CLIC5: variants seen among roughly 807,000 people sequenced by gnomAD.
CLIC5 encodes the protein chloride intracellular channel protein 5.
CLIC5 carries 20 observed loss-of-function variants against 24.7 expected under a neutral mutation model. That is an observed-to-expected ratio of 0.81 (90% CI 0.57 to 1.18). The LOEUF is 1.18. Among genes scored for constraint, CLIC5 ranks in the 50% most tolerant of loss-of-function variants. The pLI, the probability that CLIC5 is intolerant of heterozygous loss-of-function variation, is 0.00. For synonymous variants in CLIC5, 159 were observed against 135.6 expected, an observed-to-expected ratio of 1.17 and a Z score of -1.20; for missense variants, 341 against 326.1, an observed-to-expected ratio of 1.05 and a Z score of -0.35.
chr6:45,949,143 T>C (rs1414654160), intron 3 of CLIC5, 113 bp downstream of exon 3: 3 of 1,384,948 alleles, frequency 2.2e-6, no homozygotes, highest in Non-Finnish European at 2.9e-6. Flanking sequence ...TCCTGTTCTC[T>C]GGACTGGTGA....
At chr6:46,122,340 T>A in the CLIC5 span, among the ~76,000 whole-genome samples, 1 of 152,144 alleles carries the variant, frequency 6.6e-6, no homozygotes. Context: ...ACTGGGTACA[T>A]AACAAAATGA....
At chr6:45,908,786 T>A (rs893580551) in intron 5 of CLIC5, among the ~76,000 whole-genome samples, 10 of 152,236 alleles carry the variant, frequency 6.6e-5, no homozygotes, top group Non-Finnish European at 1.2e-4. Flanking sequence ...GTCTGTTATG[T>A]CCAATTGTCA....
intron 5 of CLIC5, among the ~76,000 whole-genome samples, chr6:45,909,828 C>T (rs943271415): frequency 4.6e-5 from 7 of 152,138 alleles, no homozygotes; most frequent in African/African-American, 7.2e-5. Flanking sequence ...CACCTTCTAC[C>T]TTGCTTTCAT....
At chr6:46,019,737 A>G (rs1302696119), upstream of CLIC5, among the ~76,000 whole-genome samples, 2 of 148,478 alleles carry the variant, frequency 1.3e-5, no homozygotes, top group Non-Finnish European at 3.0e-5. Context: ...AAATTAATAT[A>G]ATTATTAATA....
intron 1 of CLIC5, among the ~76,000 whole-genome samples, chr6:45,997,434 G>T (rs1485155584): frequency 6.7e-6 from 1 of 150,182 alleles, no homozygotes; most frequent in African/African-American, 2.5e-5. Flanking sequence ...CAGCGCACCA[G>T]CATGGCACAT....
At chr6:45,990,428 G>A (rs997510346) in intron 1 of CLIC5, among the ~76,000 whole-genome samples, 10 of 152,054 alleles carry the variant, frequency 6.6e-5, no homozygotes, top group African/African-American at 2.4e-4. Context: ...TTTTGTTTTA[G>A]AAAACCACTT....
intron 1 of CLIC5, among the ~76,000 whole-genome samples, chr6:45,963,699 G>C (rs1231116262): frequency 1.3e-5 from 2 of 152,020 alleles, no homozygotes; most frequent in Non-Finnish European, 2.9e-5. Flanking sequence ...AGAAAACAAG[G>C]GAAAATGTTG....
At chr6:45,955,649 G>A (rs976225499) in intron 1 of CLIC5, among the ~76,000 whole-genome samples, 1 of 152,000 alleles carries the variant, frequency 6.6e-6, no homozygotes, top group Non-Finnish European at 1.5e-5. Flanking sequence ...ATCTCTCAAA[G>A]CAGTTCATTC....
chr6:45,887,862 C>G (rs1217395028), intron 6 of CLIC5, among the ~76,000 whole-genome samples: 2 of 151,918 alleles, frequency 1.3e-5, no homozygotes, highest in African/African-American at 4.8e-5. Context: ...CTCTGGGTAC[C>G]TAATTGTCAC....
chr6:45,970,581 C>T (rs1393788175), intron 1 of CLIC5, among the ~76,000 whole-genome samples: 3 of 152,150 alleles, frequency 2.0e-5, no homozygotes, highest in African/African-American at 7.2e-5. Flanking sequence ...ACACAATAGT[C>T]CAGGCCCTCA....
At chr6:45,956,322 G>A (rs980326363) in intron 1 of CLIC5, among the ~76,000 whole-genome samples, 2 of 152,188 alleles carry the variant, frequency 1.3e-5, no homozygotes, top group African/African-American at 4.8e-5. Flanking sequence ...TCCAGACTCT[G>A]ATGTTGGCTG....
chr6:45,951,995 A>G (rs773664980), intron 2 of CLIC5, among the ~76,000 whole-genome samples: 2 of 152,190 alleles, frequency 1.3e-5, no homozygotes, highest in East Asian at 3.8e-4. Context: ...TACTTTGTGC[A>G]TGTCCCTCAT....
At chr6:45,915,482 C>T (rs1245072072) in intron 4 of CLIC5, among the ~76,000 whole-genome samples, 1 of 151,996 alleles carries the variant, frequency 6.6e-6, no homozygotes, top group East Asian at 1.9e-4. Flanking sequence ...TTGATGTCAC[C>T]CCCAGAGAAG....
chr6:45,970,534 T>TA (rs1438573795), intron 1 of CLIC5, among the ~76,000 whole-genome samples: 1 of 152,018 alleles, frequency 6.6e-6, no homozygotes, highest in Non-Finnish European at 1.5e-5. Context: ...TGTACTCCCA[T>TA]AAAAAAATAA....
the CLIC5 span, among the ~76,000 whole-genome samples, chr6:46,089,672 G>A: frequency 2.1e-3 from 313 of 152,214 alleles, no homozygotes; most frequent in African/African-American, 7.1e-3. Context: ...ACACAGGTGT[G>A]TTCAGTGACT....
At chr6:46,123,531 G>A in the CLIC5 span, among the ~76,000 whole-genome samples, 2 of 152,192 alleles carry the variant, frequency 1.3e-5, no homozygotes, top group African/African-American at 2.4e-5. Flanking sequence ...ACAAGACAGG[G>A]ATGCCCTCTC....
chr6:46,123,105 A>G, the CLIC5 span: 1 of 152,256 alleles, frequency 6.6e-6, no homozygotes, highest in African/African-American at 2.4e-5. Context: ...TCCTGATACC[A>G]AAGCCTGGAA....
intron 4 of CLIC5, among the ~76,000 whole-genome samples, chr6:45,925,688 C>T (rs1206534699): frequency 6.6e-6 from 1 of 152,126 alleles, no homozygotes; most frequent in East Asian, 1.9e-4. Context: ...AAGAATAAGC[C>T]GTTCAGTGGG....
chr6:45,912,564 C>T (rs1335184711), intron 5 of CLIC5: 2 of 1,420,172 alleles, frequency 1.4e-6, no homozygotes, highest in Non-Finnish European at 1.9e-6. Flanking sequence ...CACTTCTGTT[C>T]TTCTAGGCAT....
Sources: allele counts gnomAD v4.1 joint callset (sites outside exome capture counted in the v4.1 genomes callset), GRCh38; gene constraint gnomAD v4.1.1; transcripts MANE v1.5; gene names NCBI Gene and HGNC (gene_info 2026-07-23, HGNC 2026-07-21).